Variants in GLIS3 observed in about 807,000 individuals in gnomAD.
GLIS3 encodes the protein zinc finger protein GLIS3.
A neutral mutation model predicts 78.6 loss-of-function variants in GLIS3; 53 were observed. The observed-to-expected ratio is 0.67, with a 90% CI of 0.54 to 0.85. The LOEUF (loss-of-function observed/expected upper bound fraction) is 0.85. Ranked by LOEUF, GLIS3 falls within the 40% of genes least tolerant of loss-of-function variation. The probability of loss-of-function intolerance (pLI) is 0.00; values close to 1 mark genes in which losing one functional copy is unlikely to be tolerated. For synonymous variants in GLIS3, 684 were observed against 509.9 expected (o/e 1.34, Z -4.60); for missense variants, 1,703 against 1,231.1 (o/e 1.38, Z -5.74).
intron 4 of GLIS3, among the ~76,000 whole-genome samples, chr9:4,108,746 G>A (rs183238096): frequency 8.4e-4 from 128 of 152,272 alleles, no homozygotes; most frequent in African/African-American, 2.9e-3. Flanking sequence ...AAAGATAACT[G>A]TCTGGTGAGA....
chr9:4,257,374 T>C (rs1477516247), intron 2 of GLIS3, among the ~76,000 whole-genome samples: 4 of 152,158 alleles, frequency 2.6e-5, no homozygotes, highest in Non-Finnish European at 5.9e-5. Context: ...GGTGCAGTTA[T>C]GTAAAATAAA....
intron 2 of GLIS3, among the ~76,000 whole-genome samples, chr9:4,230,300 G>C (rs927512187): frequency 5.9e-5 from 9 of 152,150 alleles, no homozygotes; most frequent in African/African-American, 2.2e-4. Context: ...ATGAAATACC[G>C]AACTGCAGGC....
rs1398423914 is a variant in GLIS3, at chr9:3,920,823, T to C, written c.1983+11537A>G. 2.0e-5 allele frequency among the ~76,000 whole-genome samples: 3 copies of C among 152,186 alleles called. No homozygotes were observed. In the East Asian group the frequency reaches 5.8e-4, roughly 29 times the overall value. On this transcript the variant is annotated intron_variant, in intron 6 of 10. Coordinates refer to ENST00000381971, the MANE Select transcript of GLIS3 (RefSeq NM_001042413.2). Reference sequence around the variant, plus strand: ...AAACATTATCTAAATTCCTATAGCCTAGCTGGTGCTTGTGTGCTAGACTAG... The same window carrying C: ...AAACATTATCTAAATTCCTATAGCCCAGCTGGTGCTTGTGTGCTAGACTAG...
the GLIS3 span, among the ~76,000 whole-genome samples, chr9:4,483,396 T>G: frequency 1.9e-4 from 29 of 152,294 alleles, no homozygotes; most frequent in African/African-American, 7.0e-4. Flanking sequence ...TAGTTTTTTT[T>G]GTAACAACTC....
At chr9:4,271,363 T>C (rs1329185314) in intron 2 of GLIS3, among the ~76,000 whole-genome samples, 1 of 152,164 alleles carries the variant, frequency 6.6e-6, no homozygotes, top group Non-Finnish European at 1.5e-5. Context: ...TACACACAAA[T>C]TTCAACTGCA....
chr9:4,184,295 T>C (rs931663081), intron 2 of GLIS3, among the ~76,000 whole-genome samples: 4 of 152,196 alleles, frequency 2.6e-5, no homozygotes, highest in Non-Finnish European at 4.4e-5. Flanking sequence ...CATGAAGATA[T>C]GTGACTGCAC....
At chr9:4,191,757 G>C (rs1000542825) in intron 2 of GLIS3, among the ~76,000 whole-genome samples, 12 of 152,174 alleles carry the variant, frequency 7.9e-5, no homozygotes, top group Admixed American at 5.9e-4. Flanking sequence ...GAGGAACGTG[G>C]TTTAATCATT....
chr9:4,472,084 A>G, the GLIS3 span, among the ~76,000 whole-genome samples: 3 of 152,198 alleles, frequency 2.0e-5, no homozygotes, highest in Non-Finnish European at 2.9e-5. Flanking sequence ...TTAGAATGGC[A>G]GTCATTAAAA....
At chr9:4,453,541 G>A in the GLIS3 span, among the ~76,000 whole-genome samples, 1 of 152,010 alleles carries the variant, frequency 6.6e-6, no homozygotes, top group Non-Finnish European at 1.5e-5. Context: ...CTTCTCAAAA[G>A]AAGACATTTA....
intron 4 of GLIS3, among the ~76,000 whole-genome samples, chr9:4,056,826 C>G (rs1248336893): frequency 6.8e-6 from 1 of 146,066 alleles, no homozygotes; most frequent in Non-Finnish European, 1.5e-5. Context: ...AAAGAGTTGG[C>G]AAAAGCAGCC....
intron 2 of GLIS3, among the ~76,000 whole-genome samples, chr9:4,265,138 C>G (rs140000119): frequency 3.0e-4 from 45 of 147,728 alleles, no homozygotes; most frequent in African/African-American, 1.0e-3. Flanking sequence ...CGCCACTGCA[C>G]TCCAAACTGG....
At chr9:4,396,652 C>T in the GLIS3 span, among the ~76,000 whole-genome samples, 4 of 152,164 alleles carry the variant, frequency 2.6e-5, no homozygotes, top group African/African-American at 7.2e-5. Context: ...TTTTATATCA[C>T]CATTTGATAT....
chr9:4,118,134 C>A lies in GLIS3; in HGVS notation c.1344G>T (p.Pro448=). Residue 448 remains proline (P), a synonymous_variant, in exon 4 of 11, where the codon CCG becomes CCT. Coordinates refer to ENST00000381971, the MANE Select transcript of GLIS3 (RefSeq NM_001042413.2). The surrounding 1 kb of genome is among the most constrained non-coding windows in gnomAD (Gnocchi z 4.7). Reference sequence around the variant, plus strand: ...CTGGGGGCGGCGGCAGAGGAGGGAGCGGAGGCGCGGGGGGTAGGTCTACGG... The same window carrying A: ...CTGGGGGCGGCGGCAGAGGAGGGAGAGGAGGCGCGGGGGGTAGGTCTACGG... ...GSTVDLPPAP[P]LPPLPPPPGP... is the part of the protein sequence containing the mutation. 1.9e-6 allele frequency: 3 copies of A among 1,546,752 alleles called. 1 individual carries two copies. Among genetic ancestry groups the A allele is most frequent in the South Asian group, 2.5e-5 (2 of 80,344 alleles).
chr9:3,973,914 A>C (rs1286315714), intron 4 of GLIS3, among the ~76,000 whole-genome samples: 2 of 152,140 alleles, frequency 1.3e-5, no homozygotes, highest in Non-Finnish European at 2.9e-5. Context: ...AAGCTAACCA[A>C]ATTTTTTATT....
At chr9:4,057,803 G>C (rs538112059) in intron 4 of GLIS3, among the ~76,000 whole-genome samples, 1 of 152,062 alleles carries the variant, frequency 6.6e-6, no homozygotes, top group African/African-American at 2.4e-5. Context: ...AATGCTATAA[G>C]AGAAAAAGGA....
chr9:4,380,156 G>A, the GLIS3 span, among the ~76,000 whole-genome samples: 1 of 152,332 alleles, frequency 6.6e-6, no homozygotes, highest in East Asian at 1.9e-4. Flanking sequence ...ACAGCTAGGA[G>A]AAGGAATTAT....
intron 3 of GLIS3, among the ~76,000 whole-genome samples, chr9:4,124,858 G>C (rs1003547705): frequency 6.6e-6 from 1 of 152,202 alleles, no homozygotes; most frequent in Admixed American, 6.5e-5. Context: ...AGTTATGGCA[G>C]AACTAGGACT....
At chr9:3,951,841 AACACACACACACACACACACAC>A (rs3061609) in intron 4 of GLIS3, among the ~76,000 whole-genome samples, 2 of 130,616 alleles carry the variant, frequency 1.5e-5, no homozygotes, top group East Asian at 4.7e-4. Context: ...AATAAGCATG[AACACACACACACACACACACAC>A]ACACACACAC....
intron 2 of GLIS3, among the ~76,000 whole-genome samples, chr9:4,131,013 A>T (rs555726249): frequency 6.6e-6 from 1 of 152,216 alleles, no homozygotes; most frequent in African/African-American, 2.4e-5. Flanking sequence ...GATGTGAAAC[A>T]AGGAGTTAAA....
Sources: allele counts gnomAD v4.1 joint callset (sites outside exome capture counted in the v4.1 genomes callset), GRCh38; gene constraint gnomAD v4.1.1; non-coding constraint Gnocchi (gnomAD v3.1); transcripts MANE v1.5; gene names NCBI Gene and HGNC (gene_info 2026-07-23, HGNC 2026-07-21).